Variants in FOXK1 observed in about 807,000 individuals in gnomAD.
FOXK1 encodes the protein forkhead box protein K1.
In FOXK1, 19 loss-of-function variants were observed where a neutral mutation model predicts 51.9. The observed-to-expected ratio is 0.37, with a 90% CI of 0.26 to 0.54. The LOEUF (loss-of-function observed/expected upper bound fraction) is 0.54. Ranked by LOEUF, FOXK1 falls within the 20% of genes least tolerant of loss-of-function variation. The pLI is 0.87. For synonymous variants in FOXK1, 537 were observed against 482.6 expected, an observed-to-expected ratio of 1.11 and a Z score of -1.48; for missense variants, 870 against 1,032.7, an observed-to-expected ratio of 0.84 and a Z score of 2.16.
chr7:4,692,787 T>C (rs1350641828), intron 1 of FOXK1, among the ~76,000 whole-genome samples: 4 of 151,084 alleles, frequency 2.6e-5, no homozygotes, highest in African/African-American at 9.7e-5. Context: ...AGTGCAGTGG[T>C]GCAATCATAG....
rs1004753503 is a variant in FOXK1, at chr7:4,707,740, A to G, written c.560+24872A>G. On this transcript the variant is annotated intron_variant, in intron 1 of 8. Coordinates refer to ENST00000328914, the MANE Select transcript of FOXK1 (RefSeq NM_001037165.2). The surrounding 1 kb of genome is among the most constrained non-coding windows in gnomAD (Gnocchi z 4.1). ...CTCTCCGTTGCCCAGGCTGGAGTGC[A>G]GTGGCACGATCGTGGCTCTCTGCAA... 4.6e-5 allele frequency among the ~76,000 whole-genome samples: 7 copies of G among 150,856 alleles called. No individual in the cohort carries two copies. The highest frequency in any genetic ancestry group is 8.8e-5 in the Non-Finnish European group (6 of 67,830).
chr7:4,759,078 C>G lies in FOXK1; in HGVS notation c.1272C>G (p.Pro424=). 6.2e-7 allele frequency: 1 copy of G among 1,607,568 alleles called. No individual in the cohort carries two copies. Among genetic ancestry groups the G allele is most frequent in the Non-Finnish European group, 8.5e-7 (1 of 1,178,334 alleles). The change falls in exon 6 of 9, where the codon CCC becomes CCG. Residue 424 remains proline (P), a synonymous_variant. Transcript: ENST00000328914. ...SRSAPASPTH[P]GLMSPRSGGL... Reference sequence around the variant, plus strand: ...GCGCTCCAGCTTCGCCCACACACCCCGGGCTGATGTCCCCTCGCTCCGGCG... The same window carrying G: ...GCGCTCCAGCTTCGCCCACACACCCGGGGCTGATGTCCCCTCGCTCCGGCG...
Position 4,703,549 on chromosome 7 carries a change from C to G in FOXK1, c.560+20681C>G, listed in dbSNP as rs1442811000. Among the ~76,000 whole-genome samples, 1 of 152,086 alleles carries G rather than the reference C, an allele frequency of 6.6e-6. No homozygotes were observed. Among genetic ancestry groups the G allele is most frequent in the Non-Finnish European group, 1.5e-5 (1 of 68,012 alleles). On this transcript the variant is annotated intron_variant, in intron 1 of 8. Transcript: ENST00000328914. This position sits in a 1 kb window ranked among gnomAD's most constrained non-coding sequence, Gnocchi z 5.6. ...AAGAGCCACAACAAGTTGAAGGTGC[C>G]CAGGAGACTTGGGTACATTTTGCTC...
Position 4,762,567 on chromosome 7 carries a change from C to A in FOXK1, c.*103C>A, listed in dbSNP as rs550608330. On this transcript the variant is annotated 3_prime_UTR_variant, in exon 9 of 9. Transcript: ENST00000328914. This position sits in a 1 kb window ranked among gnomAD's most constrained non-coding sequence, Gnocchi z 5.7. ...CCCACAGACGGAGGAGAACAGCCCG[C>A]GGCGGCCTGTGGGCATCGGCGGCAC... 6.1e-5 allele frequency: 76 copies of A among 1,245,022 alleles called. 2 individuals are homozygous for A. The South Asian group carries it at 1.0e-3, about 17-fold the overall frequency. The allele number at this position is 1,245,022 out of a possible 1,614,324, so 77.1% of individuals were successfully genotyped here. A position where few individuals can be genotyped will look rare whatever the true frequency, so the allele number is the denominator to read the frequency against.
chr7:4,710,346 A>C (rs757177885), intron 1 of FOXK1, among the ~76,000 whole-genome samples: 9 of 152,134 alleles, frequency 5.9e-5, no homozygotes, highest in Non-Finnish European at 1.5e-5. Flanking sequence ...AGGAGTTTGC[A>C]GGCGGATCAC....
In FOXK1 at chr7:4,703,075, C is replaced by T. The variant is rs1780040171; in HGVS notation, c.560+20207C>T. Among the ~76,000 whole-genome samples the T allele has an allele frequency of 6.6e-6, 1 of 152,180 alleles. No individual in the cohort carries two copies. Among genetic ancestry groups the T allele is most frequent in the Admixed American group, 6.5e-5 (1 of 15,272 alleles). The stretch of plus-strand genomic sequence containing the variant: ...GGGGACCGAGACCCCTGGTTGCTTG[C>T]ACTGCTGGGTGAGAGTGCCTCTGTG... On this transcript the variant is annotated intron_variant, in intron 1 of 8. Transcript: ENST00000328914. The surrounding 1 kb of genome is among the most constrained non-coding windows in gnomAD (Gnocchi z 5.6).
At position 4,745,328 on chromosome 7, in the gene FOXK1, G is replaced by A. The variant is rs965750145; in HGVS notation, c.746+4305G>A. Among the ~76,000 whole-genome samples the A allele has an allele frequency of 6.6e-6, 1 of 152,120 alleles. No homozygotes were observed. The highest frequency in any genetic ancestry group is 6.5e-5 in the Admixed American group (1 of 15,268). On this transcript the variant is annotated intron_variant, in intron 2 of 8. Coordinates refer to ENST00000328914, the MANE Select transcript of FOXK1 (RefSeq NM_001037165.2). The surrounding 1 kb of genome is among the most constrained non-coding windows in gnomAD (Gnocchi z 4.3). ...ATTCCCAGGAGTCGGGAGTGGCTTG[G>A]GAGCGGCTTTTTCCTGGGGGAGCCT...
intron 2 of FOXK1, among the ~76,000 whole-genome samples, chr7:4,751,557 G>A (rs769856440): frequency 3.3e-5 from 5 of 152,068 alleles, no homozygotes; most frequent in Non-Finnish European, 4.4e-5. Context: ...TCTGCTTCCC[G>A]CCTCCGTCAG....
At chr7:4,710,967 G>T (rs552309248) in intron 1 of FOXK1, among the ~76,000 whole-genome samples, 69 of 152,274 alleles carry the variant, frequency 4.5e-4, no homozygotes, top group African/African-American at 1.5e-3. Context: ...TGTCGACACC[G>T]TCCTAGCCAC....
At chr7:4,741,089 C>G (rs1012582244) in intron 2 of FOXK1, 66 bp downstream of exon 2, 1 of 1,157,630 alleles carries the variant, frequency 8.6e-7, no homozygotes, top group Non-Finnish European at 1.2e-6. Flanking sequence ...GCGTGCCTGT[C>G]GTACGCAGCA....
intron 1 of FOXK1, among the ~76,000 whole-genome samples, chr7:4,701,117 G>A (rs894767709): frequency 6.6e-6 from 1 of 152,200 alleles, no homozygotes; most frequent in Non-Finnish European, 1.5e-5. Flanking sequence ...GCAGCATCTT[G>A]CACTGGCTGG....
At chr7:4,726,294 G>A (rs1158083147) in intron 1 of FOXK1, among the ~76,000 whole-genome samples, 1 of 152,146 alleles carries the variant, frequency 6.6e-6, no homozygotes, top group African/African-American at 2.4e-5. Context: ...GGAGCTGGCC[G>A]CGGCAGGACG....
intron 1 of FOXK1, among the ~76,000 whole-genome samples, chr7:4,727,409 G>A (rs1041618752): frequency 3.3e-5 from 5 of 152,064 alleles, no homozygotes; most frequent in Admixed American, 1.3e-4. Flanking sequence ...TTCGCCTCCC[G>A]GGTTCAAGTG....
In FOXK1 at chr7:4,731,905, G is replaced by A. The variant is rs975760237; in HGVS notation, c.561-8933G>A. Among the ~76,000 whole-genome samples, 3 of 152,284 alleles carry A rather than the reference G, an allele frequency of 2.0e-5. No individual in the cohort carries two copies. Among genetic ancestry groups the A allele is most frequent in the Middle Eastern group, 3.4e-3 (1 of 294 alleles). ...AGTAACCGCTTGCTACGTGCCAGCC[G>A]TCCGGTCAGGACTGATGTTCACGGC... On this transcript the variant is annotated intron_variant, in intron 1 of 8. Transcript: ENST00000328914. This position sits in a 1 kb window ranked among gnomAD's most constrained non-coding sequence, Gnocchi z 5.3.
rs1001817681 is a variant in FOXK1, at chr7:4,770,550, A to C, written c.*8086A>C. 1 of 151,356 alleles carries C rather than the reference A, an allele frequency of 6.6e-6. No individual in the cohort carries two copies. Among genetic ancestry groups the C allele is most frequent in the African/African-American group, 2.4e-5 (1 of 40,856 alleles). 9.4% of individuals were successfully genotyped at this position (151,356 alleles called of 1,614,324 possible). On this transcript the variant is annotated 3_prime_UTR_variant, in exon 9 of 9. Coordinates refer to ENST00000328914, the MANE Select transcript of FOXK1 (RefSeq NM_001037165.2). ...TGTCTCAAAAATAATAATCAAATCA[A>C]GTATTTTAAGTTTGGCTCTTCTTTT...
At chr7:4,738,965 A>AG (rs1780593861) in intron 1 of FOXK1, among the ~76,000 whole-genome samples, 1 of 152,186 alleles carries the variant, frequency 6.6e-6, no homozygotes, top group African/African-American at 2.4e-5. Context: ...AAGACGCAAG[A>AG]GGACCCCCTG....
intron 1 of FOXK1, among the ~76,000 whole-genome samples, chr7:4,710,469 G>A (rs146248760): frequency 5.3e-5 from 8 of 152,298 alleles, no homozygotes; most frequent in East Asian, 1.9e-4. Flanking sequence ...CAGCTCCTCC[G>A]GAGGCCGAGG....
rs1362015203 is a variant in FOXK1, at chr7:4,683,266, G to A, written c.560+398G>A. 6.7e-6 allele frequency among the ~76,000 whole-genome samples: 1 copy of A among 149,810 alleles called. No individual in the cohort carries two copies. The highest frequency in any genetic ancestry group is 6.6e-5 in the Admixed American group (1 of 15,062). ...CCCATACCCCAAGCCCATCTGGCTG[G>A]GCCTCTTAGACCCCTGACCCAGATC... is the stretch of plus-strand genomic sequence containing the variant. On this transcript the variant is annotated intron_variant, in intron 1 of 8. Transcript: ENST00000328914. This position sits in a 1 kb window ranked among gnomAD's most constrained non-coding sequence, Gnocchi z 4.5.
rs1216979230 is a variant in FOXK1, at chr7:4,755,491, C to T, written c.1050+108C>T. 110 of 1,435,466 alleles carry T rather than the reference C, an allele frequency of 7.7e-5. No homozygotes were observed. The highest frequency in any genetic ancestry group is 1.1e-4 in the Admixed American group (5 of 47,254). 88.9% of individuals were successfully genotyped at this position (1,435,466 alleles called of 1,614,324 possible). A position where few individuals can be genotyped will look rare whatever the true frequency, so the allele number is the denominator to read the frequency against. On this transcript the variant is annotated intron_variant, in intron 4 of 8. Transcript: ENST00000328914. This position sits in a 1 kb window ranked among gnomAD's most constrained non-coding sequence, Gnocchi z 6.6. The stretch of plus-strand genomic sequence containing the variant: ...AGAAGAGGGCCAGTGAGGGGGCTCA[C>T]GCCTGGAACCCTAGCATTTTGTGAG...
Sources: allele counts gnomAD v4.1 joint callset (sites outside exome capture counted in the v4.1 genomes callset), GRCh38; gene constraint gnomAD v4.1.1; non-coding constraint Gnocchi (gnomAD v3.1); transcripts MANE v1.5; gene names NCBI Gene and HGNC (gene_info 2026-07-23, HGNC 2026-07-21).